DMD: variants seen among roughly 807,000 people sequenced by gnomAD.
DMD encodes the protein mutant dystrophin.
DMD carries 63 observed loss-of-function variants against 330.1 expected under a neutral mutation model. That is an observed-to-expected ratio of 0.19 (90% CI 0.16 to 0.24). DMD has a LOEUF of 0.24. Among genes scored for constraint, DMD ranks in the 10% least tolerant of loss-of-function variants. The pLI, the probability that DMD is intolerant of heterozygous loss-of-function variation, is 1.00. For synonymous variants in DMD, 1,223 were observed against 959.8 expected (o/e 1.27, Z -5.07); for missense variants, 3,344 against 2,684.1 (o/e 1.25, Z -5.43).
intron 46 of DMD, among the ~76,000 whole-genome samples, chrX:31,930,438 A>T (rs2094839140): frequency 9.0e-6 from 1 of 110,942 alleles, no homozygotes; most frequent in South Asian, 3.8e-4. Flanking sequence ...GAACTCATTC[A>T]CCACCACATA....
intron 7 of DMD, among the ~76,000 whole-genome samples, chrX:32,735,972 A>G (rs1209802251): frequency 8.9e-6 from 1 of 111,901 alleles, no homozygotes; most frequent in Non-Finnish European, 1.9e-5. Flanking sequence ...CATCAGAGTG[A>G]ACAGGCAACC....
rs2032655617 is a variant in DMD, at chrX:31,121,944, A to C, written c.11047-14T>G. The C allele has an allele frequency of 1.7e-6, 2 of 1,146,604 alleles. No individual in the cohort carries two copies. The highest frequency in any genetic ancestry group is 5.9e-5 in the East Asian group (2 of 33,617). The allele number at this position is 1,146,604 out of a possible 1,213,427, so 94.5% of individuals were successfully genotyped here. A position where few individuals can be genotyped will look rare whatever the true frequency, so the allele number is the denominator to read the frequency against. On this transcript the variant is annotated splice_polypyrimidine_tract_variant and intron_variant, in intron 78 of 78. Coordinates refer to ENST00000357033, the MANE Select transcript of DMD (RefSeq NM_004006.3). ...CTACATTGTGTCCTGGAAAACAAAG[A>C]GAAAGAAAGACAGACTTTACAAAAG...
chrX:31,260,151 G>A (rs1333315090), intron 63 of DMD, among the ~76,000 whole-genome samples: 2 of 111,621 alleles, frequency 1.8e-5, no homozygotes, highest in Non-Finnish European at 3.8e-5. Flanking sequence ...TGAGGCAGAA[G>A]AACCGCCATG....
At chrX:32,567,821 T>C (rs1409339578) in intron 15 of DMD, among the ~76,000 whole-genome samples, 1 of 112,433 alleles carries the variant, frequency 8.9e-6, no homozygotes, top group African/African-American at 3.2e-5. Context: ...CTGAGAGCCA[T>C]ATTTGAATTT....
At chrX:31,258,825 T>C (rs1234142056) in intron 63 of DMD, among the ~76,000 whole-genome samples, 1 of 111,727 alleles carries the variant, frequency 9.0e-6, no homozygotes, top group Non-Finnish European at 1.9e-5. Context: ...TATTCATTGA[T>C]AGTCCATAAT....
chrX:31,262,143 C>T (rs1218725303), intron 62 of DMD, among the ~76,000 whole-genome samples: 1 of 112,296 alleles, frequency 8.9e-6, no homozygotes, highest in East Asian at 2.8e-4. Context: ...AGCCTGCCTA[C>T]CTTGGAGGGT....
chrX:32,112,930 C>T (rs1386284422), intron 44 of DMD, among the ~76,000 whole-genome samples: 2 of 111,804 alleles, frequency 1.8e-5, no homozygotes, highest in Non-Finnish European at 3.8e-5. Context: ...TGTGTTTCAC[C>T]GATTTCTCAG....
Position 32,664,488 on chromosome X carries a change from G to A in DMD, c.961-19336C>T, listed in dbSNP as rs370750363. Reference sequence around the variant, plus strand: ...GATCTCCTGACCTCGTGATCCGCCCGCCTCGGCCTCTCAAAGTGCTGGGAT... The same window carrying A: ...GATCTCCTGACCTCGTGATCCGCCCACCTCGGCCTCTCAAAGTGCTGGGAT... On this transcript the variant is annotated intron_variant, in intron 9 of 78. Transcript: ENST00000357033. Among the ~76,000 whole-genome samples, 963 of 110,117 alleles carry A rather than the reference G, an allele frequency of 8.7e-3. 18 individuals are homozygous for A. Among genetic ancestry groups the A allele is most frequent in the African/African-American group, 0.03 (897 of 30,086 alleles).
At chrX:32,549,444 G>C (rs1285096075) in intron 16 of DMD, among the ~76,000 whole-genome samples, 1 of 111,341 alleles carries the variant, frequency 9.0e-6, no homozygotes, top group East Asian at 2.8e-4. Flanking sequence ...TCTTGAACAG[G>C]AAGCCCTTGT....
At chrX:31,453,886 A>G (rs2149126188) in intron 59 of DMD, among the ~76,000 whole-genome samples, 1 of 110,623 alleles carries the variant, frequency 9.0e-6, no homozygotes, top group South Asian at 3.8e-4. Flanking sequence ...AATATACACA[A>G]TTAACACAAA....
chrX:32,211,581 C>T (rs2097093783), intron 44 of DMD, among the ~76,000 whole-genome samples: 1 of 111,741 alleles, frequency 8.9e-6, no homozygotes, highest in Non-Finnish European at 1.9e-5. Context: ...GCAGTTTATT[C>T]ATGTCAGAAT....
chrX:33,275,213 A>G (rs192995447), intron 1 of DMD, among the ~76,000 whole-genome samples: 57 of 112,252 alleles, frequency 5.1e-4, no homozygotes, highest in African/African-American at 1.7e-3. Flanking sequence ...TCATTCTTAT[A>G]TTCATTCAAA....
intron 7 of DMD, among the ~76,000 whole-genome samples, chrX:32,701,719 G>C (rs1359789546): frequency 9.1e-6 from 1 of 110,324 alleles, no homozygotes; most frequent in South Asian, 3.7e-4. Flanking sequence ...ATTCACTGCT[G>C]TGTTATACAT....
At chrX:32,997,463 C>T (rs927076277) in intron 2 of DMD, among the ~76,000 whole-genome samples, 3 of 111,699 alleles carry the variant, frequency 2.7e-5, no homozygotes, top group Non-Finnish European at 5.6e-5. Flanking sequence ...TCAGGCTGGT[C>T]TCGAACTCCT....
chrX:31,898,349 C>A (rs2094375052), intron 47 of DMD, among the ~76,000 whole-genome samples: 1 of 109,952 alleles, frequency 9.1e-6, no homozygotes, highest in East Asian at 2.9e-4. Context: ...GGAGGCATCA[C>A]ACTACCTGAC....
In DMD at chrX:31,814,402, G is replaced by T. The variant is rs905303040; in HGVS notation, c.7309+5573C>A. Among the ~76,000 whole-genome samples the T allele has an allele frequency of 1.1e-4, 11 of 98,118 alleles. No individual in the cohort carries two copies. In the Admixed American group the frequency reaches 1.3e-3, roughly 12 times the overall value. 85.2% of individuals were successfully genotyped at this position (98,118 alleles called of 115,157 possible). A position where few individuals can be genotyped will look rare whatever the true frequency, so the allele number is the denominator to read the frequency against. On this transcript the variant is annotated intron_variant, in intron 50 of 78. Transcript: ENST00000357033. ...GGAGGCTGAGGCAGGAGAATGGCGTGAACCCGGGAGGCGGAGCTTGCAGTG... is the reference window on the plus strand; with the variant it reads ...GGAGGCTGAGGCAGGAGAATGGCGTTAACCCGGGAGGCGGAGCTTGCAGTG...
chrX:32,162,271 C>T (rs747727542), intron 44 of DMD, among the ~76,000 whole-genome samples: 7 of 110,730 alleles, frequency 6.3e-5, no homozygotes, highest in Non-Finnish European at 1.3e-4. Context: ...TCTTGTATCC[C>T]CTTTGCCTCT....
At chrX:32,891,853 G>T (rs759435228) in intron 2 of DMD, among the ~76,000 whole-genome samples, 1 of 111,509 alleles carries the variant, frequency 9.0e-6, no homozygotes, top group African/African-American at 3.3e-5. Context: ...CTGATTTGAG[G>T]TTCCTCAAAT....
chrX:33,007,917 C>G (rs950493185), intron 2 of DMD, among the ~76,000 whole-genome samples: 1 of 111,316 alleles, frequency 9.0e-6, no homozygotes, highest in South Asian at 3.7e-4. Context: ...CCTTGTAGAT[C>G]GAAGACATTT....
Sources: gnomAD v4.1 joint callset for allele counts (sites outside exome capture counted in the v4.1 genomes callset) on GRCh38, gnomAD v4.1.1 for gene constraint, MANE v1.5 for transcripts, NCBI Gene and HGNC (gene_info 2026-07-23, HGNC 2026-07-21) for gene names.